CSMD1: variants seen among roughly 807,000 people sequenced by gnomAD.
CSMD1 encodes CUB and Sushi multiple domains 1.
In CSMD1, 213 loss-of-function variants were observed where a neutral mutation model predicts 417.5. That is an observed-to-expected ratio of 0.51 (90% CI 0.46 to 0.57). The LOEUF is 0.57. CSMD1 is among the 20% of genes least tolerant of loss of function. The probability of loss-of-function intolerance (pLI) is 0.00; values close to 1 mark genes in which losing one functional copy is unlikely to be tolerated. For missense variants in CSMD1, 6,923 were observed against 4,529.7 expected, an observed-to-expected ratio of 1.53 and a Z score of -15.17; for synonymous variants, 2,862 against 1,736.8, an observed-to-expected ratio of 1.65 and a Z score of -16.11.
chr8:3,978,830 G>A (rs558131276), intron 5 of CSMD1, among the ~76,000 whole-genome samples: 3 of 152,174 alleles, frequency 2.0e-5, no homozygotes, highest in South Asian at 4.1e-4. Flanking sequence ...CTGAGGTCTC[G>A]TCTCCTCTTG....
intron 3 of CSMD1, among the ~76,000 whole-genome samples, chr8:4,286,733 C>G (rs1797077364): frequency 6.6e-6 from 1 of 152,152 alleles, no homozygotes; most frequent in Non-Finnish European, 1.5e-5. Context: ...GGTAGACTCC[C>G]CAGCATCTGA....
At chr8:4,113,296 A>G (rs1331043872) in intron 3 of CSMD1, among the ~76,000 whole-genome samples, 2 of 152,080 alleles carry the variant, frequency 1.3e-5, no homozygotes, top group Non-Finnish European at 2.9e-5. Flanking sequence ...ATGATTAACT[A>G]AGTGAGAAAG....
intron 3 of CSMD1, among the ~76,000 whole-genome samples, chr8:4,036,958 T>G (rs539879264): frequency 0.04 from 232 of 5,734 alleles, 1 homozygote; most frequent in African/African-American, 0.23. Context: ...GAGTGTGGGG[T>G]GTGTGTGTGT....
chr8:4,144,774 T>C (rs889177157), intron 3 of CSMD1, among the ~76,000 whole-genome samples: 2 of 151,038 alleles, frequency 1.3e-5, no homozygotes, highest in African/African-American at 5.0e-5. Context: ...ACAGGAATGA[T>C]GGATTTACCA....
chr8:4,362,709 A>G (rs1347668433), intron 3 of CSMD1, among the ~76,000 whole-genome samples: 1 of 152,230 alleles, frequency 6.6e-6, no homozygotes, highest in Non-Finnish European at 1.5e-5. Context: ...GATTTGTAAG[A>G]GAAAAGGACT....
At chr8:4,824,498 A>G (rs1196696120) in intron 1 of CSMD1, among the ~76,000 whole-genome samples, 1 of 152,162 alleles carries the variant, frequency 6.6e-6, no homozygotes, top group African/African-American at 2.4e-5. Context: ...GTTTTTAAAC[A>G]GAGTAGTCCC....
intron 10 of CSMD1, among the ~76,000 whole-genome samples, chr8:3,495,949 G>C (rs1167584927): frequency 6.6e-6 from 1 of 152,092 alleles, no homozygotes; most frequent in Non-Finnish European, 1.5e-5. Flanking sequence ...AGGATGTGCA[G>C]GTTTGGGACA....
chr8:4,139,498 G>T (rs748507995), intron 3 of CSMD1, among the ~76,000 whole-genome samples: 2 of 145,124 alleles, frequency 1.4e-5, no homozygotes, highest in African/African-American at 2.9e-5. Flanking sequence ...TGGATGAATG[G>T]TCTGCATTCA....
intron 18 of CSMD1, among the ~76,000 whole-genome samples, chr8:3,384,441 T>C (rs1810840178): frequency 6.6e-6 from 1 of 151,642 alleles, no homozygotes; most frequent in Non-Finnish European, 1.5e-5. Context: ...GTTACTAGAA[T>C]CCTTACGCTA....
intron 1 of CSMD1, among the ~76,000 whole-genome samples, chr8:4,870,960 C>A (rs971586112): frequency 1.2e-4 from 18 of 152,058 alleles, no homozygotes; most frequent in African/African-American, 4.1e-4. Flanking sequence ...ATCCCCAGTG[C>A]TGAGAAGAGT....
chr8:4,080,203 C>T (rs1035200135), intron 3 of CSMD1, among the ~76,000 whole-genome samples: 8 of 152,042 alleles, frequency 5.3e-5, no homozygotes, highest in African/African-American at 1.9e-4. Flanking sequence ...TCTAGCTCCC[C>T]AGTAGTAATA....
chr8:2,994,145 C>CAAAAAAAAAAAAAAAAAA (rs35438493), intron 54 of CSMD1, among the ~76,000 whole-genome samples: 26 of 30,522 alleles, frequency 8.5e-4, no homozygotes, highest in African/African-American at 2.1e-3. Context: ...AACTCCATCT[C>CAAAAAAAAAAAAAAAAAA]AAAAAAAAAA....
intron 3 of CSMD1, among the ~76,000 whole-genome samples, chr8:4,336,765 C>T (rs1800198744): frequency 6.6e-6 from 1 of 152,008 alleles, no homozygotes; most frequent in Non-Finnish European, 1.5e-5. Flanking sequence ...CCACAATGGG[C>T]AAAGCTGGGC....
At chr8:3,082,083 ACT>A (rs1814143904) in intron 49 of CSMD1, among the ~76,000 whole-genome samples, 1 of 151,872 alleles carries the variant, frequency 6.6e-6, no homozygotes, top group African/African-American at 2.4e-5. Flanking sequence ...GAGACTGTGG[ACT>A]CTGTTTCCTA....
intron 23 of CSMD1, among the ~76,000 whole-genome samples, chr8:3,310,665 C>T (rs898623733): frequency 2.0e-5 from 3 of 152,128 alleles, no homozygotes; most frequent in Non-Finnish European, 4.4e-5. Context: ...ACCACTGGAA[C>T]AGGATCCTGG....
chr8:4,069,348 G>C (rs1018221587), intron 3 of CSMD1, among the ~76,000 whole-genome samples: 15 of 152,160 alleles, frequency 9.9e-5, no homozygotes, highest in African/African-American at 3.6e-4. Flanking sequence ...TTATCTACAG[G>C]TAGTTGAACC....
At chr8:4,789,376 C>T (rs933765810) in intron 1 of CSMD1, among the ~76,000 whole-genome samples, 6 of 152,110 alleles carry the variant, frequency 3.9e-5, no homozygotes, top group African/African-American at 1.4e-4. Context: ...CTTTGTAGCT[C>T]TCTGGCTCTG....
At chr8:4,288,375 C>G (rs1797176557) in intron 3 of CSMD1, among the ~76,000 whole-genome samples, 1 of 152,146 alleles carries the variant, frequency 6.6e-6, no homozygotes, top group African/African-American at 2.4e-5. Flanking sequence ...TCCAGAGAGG[C>G]TATCTTACAA....
At chr8:4,600,076 T>A (rs1186946104) in intron 2 of CSMD1, among the ~76,000 whole-genome samples, 1 of 152,182 alleles carries the variant, frequency 6.6e-6, no homozygotes, top group African/African-American at 2.4e-5. Flanking sequence ...CCTTTTATAC[T>A]GTGGAGTTAG....
Sources: allele counts gnomAD v4.1 joint callset (sites outside exome capture counted in the v4.1 genomes callset), GRCh38; gene constraint gnomAD v4.1.1; transcripts MANE v1.5; gene names NCBI Gene and HGNC (gene_info 2026-07-23, HGNC 2026-07-21).